Variants in FRMD5 observed in about 807,000 individuals in gnomAD.
FRMD5 encodes FERM domain containing 5.
FRMD5 carries 20 observed loss-of-function variants against 69.0 expected under a neutral mutation model. The ratio of observed to expected loss-of-function variants is 0.29; its 90% CI spans 0.20 to 0.42. FRMD5 has a LOEUF of 0.42. Ranked by LOEUF, FRMD5 falls within the 10% of genes least tolerant of loss-of-function variation. The pLI is 1.00. For synonymous variants in FRMD5, 271 were observed against 260.1 expected (o/e 1.04, Z -0.40); for missense variants, 595 against 708.6 (o/e 0.84, Z 1.82).
rs114824598 is a variant in FRMD5 at position 44,175,404 on chromosome 15, C to T, written c.102+19549G>A. On this transcript the variant is annotated intron_variant, in intron 1 of 13. Coordinates refer to ENST00000417257, the MANE Select transcript of FRMD5 (RefSeq NM_032892.5). The stretch of plus-strand genomic sequence containing the variant: ...CCATTAGAGAAATGTAAATTAAAAC[C>T]TCAATGAAATATCACTATATACCTA... Among the ~76,000 whole-genome samples, 1,343 of 152,162 alleles carry T rather than the reference C, an allele frequency of 8.8e-3. 22 individuals are homozygous for T. The highest frequency in any genetic ancestry group is 0.031 in the African/African-American group (1,289 of 41,492).
intron 1 of FRMD5, among the ~76,000 whole-genome samples, chr15:44,172,426 T>C (rs2077821971): frequency 6.6e-6 from 1 of 152,116 alleles, no homozygotes; most frequent in African/African-American, 2.4e-5. Context: ...CCCATTTTTA[T>C]TTCAGAAAAC....
At chr15:44,169,239 A>G (rs1031549699) in intron 1 of FRMD5, among the ~76,000 whole-genome samples, 7 of 152,180 alleles carry the variant, frequency 4.6e-5, no homozygotes, top group African/African-American at 1.7e-4. Context: ...CTCACCTTGC[A>G]TGTAATTCTT....
At chr15:43,875,804 G>GTTTTTTTTTTTTTTTTTTTTTTTTTTTA in intron 13 of FRMD5, 1 of 209,616 alleles carries the variant, frequency 4.8e-6, no homozygotes, top group Non-Finnish European at 8.4e-6. Flanking sequence ...CCTGGGCCTA[G>GTTTTTTTTTTTTTTTTTTTTTTTTTTTA]TTTTTTTTTT....
At chr15:43,989,278 G>A (rs1889551514) in intron 1 of FRMD5, 1 of 786,276 alleles carries the variant, frequency 1.3e-6, no homozygotes, top group African/African-American at 1.7e-5. Context: ...GTACCTGGTG[G>A]TGCCGCCAGA....
intron 1 of FRMD5, among the ~76,000 whole-genome samples, chr15:43,950,734 A>G (rs1048437946): frequency 6.6e-6 from 1 of 152,204 alleles, no homozygotes; most frequent in Non-Finnish European, 1.5e-5. Flanking sequence ...GGACATCCTT[A>G]CCAGCGACAG....
At chr15:43,987,869 T>C (rs1889472807) in intron 1 of FRMD5, among the ~76,000 whole-genome samples, 1 of 152,152 alleles carries the variant, frequency 6.6e-6, no homozygotes, top group Non-Finnish European at 1.5e-5. Context: ...CATTGTAATA[T>C]ATAATGAAAT....
chr15:43,875,390 A>ATATATATATATATATATATATATATATG (rs1385798025), intron 13 of FRMD5, among the ~76,000 whole-genome samples: 2 of 124,812 alleles, frequency 1.6e-5, no homozygotes, highest in Admixed American at 8.9e-5. Context: ...ATATATATAT[A>ATATATATATATATATATATATATATATG]TATGTATGTA....
intron 1 of FRMD5, among the ~76,000 whole-genome samples, chr15:44,043,979 T>C (rs935734871): frequency 1.1e-4 from 16 of 151,822 alleles, no homozygotes; most frequent in African/African-American, 2.9e-4. Context: ...ATCATCAGAG[T>C]GAACAGGCAA....
At chr15:43,887,474 CAGG>C (rs1194210277) in intron 10 of FRMD5, among the ~76,000 whole-genome samples, 2 of 152,226 alleles carry the variant, frequency 1.3e-5, no homozygotes, top group Admixed American at 6.5e-5. Context: ...CGAGTATATT[CAGG>C]AGAAGAAAGG....
chr15:44,168,707 T>C (rs2077750588), intron 1 of FRMD5, among the ~76,000 whole-genome samples: 1 of 152,256 alleles, frequency 6.6e-6, no homozygotes, highest in Non-Finnish European at 1.5e-5. Flanking sequence ...ATTTAGGGGC[T>C]AGGACAATTC....
chr15:44,111,402 C>T (rs2076793635), intron 1 of FRMD5, among the ~76,000 whole-genome samples: 1 of 152,134 alleles, frequency 6.6e-6, no homozygotes, highest in Non-Finnish European at 1.5e-5. Flanking sequence ...AAAAGTATTC[C>T]AGGGTGATAA....
chr15:44,018,676 T>C (rs1346507534), intron 1 of FRMD5, among the ~76,000 whole-genome samples: 1 of 152,198 alleles, frequency 6.6e-6, no homozygotes. Flanking sequence ...GAGAAAGCCC[T>C]GGCTTCCATG....
At chr15:43,967,230 CAT>C (rs34586661) in intron 1 of FRMD5, among the ~76,000 whole-genome samples, 25,118 of 147,040 alleles carry the variant, frequency 0.17, 4,594 homozygotes, top group African/African-American at 0.46. Flanking sequence ...AATATATAAA[CAT>C]ATATATATAT....
chr15:44,026,517 C>A (rs1891436092), intron 1 of FRMD5, among the ~76,000 whole-genome samples: 1 of 152,114 alleles, frequency 6.6e-6, no homozygotes, highest in Admixed American at 6.5e-5. Flanking sequence ...TACATTGTTG[C>A]TTTTCTTCAC....
intron 1 of FRMD5, among the ~76,000 whole-genome samples, chr15:44,156,514 TTTTTAGTAGC>T (rs2077530839): frequency 2.0e-5 from 3 of 152,200 alleles, no homozygotes; most frequent in Admixed American, 6.5e-5. Flanking sequence ...AGTTGAGGAT[TTTTTAGTAGC>T]TTTTAGTATT....
At chr15:44,184,031 C>T (rs1375428140) in intron 1 of FRMD5, among the ~76,000 whole-genome samples, 1 of 151,956 alleles carries the variant, frequency 6.6e-6, no homozygotes, top group African/African-American at 2.4e-5. Flanking sequence ...CCTGCTTCTC[C>T]AGATTCTCCC....
intron 1 of FRMD5, chr15:44,063,713 T>A (rs1893192494): frequency 3.0e-6 from 1 of 332,058 alleles, no homozygotes; most frequent in East Asian, 8.9e-5. Context: ...GGGAAACTTG[T>A]CATCAATGGA....
chr15:44,067,171 A>G (rs1369773194), intron 1 of FRMD5, among the ~76,000 whole-genome samples: 1 of 152,216 alleles, frequency 6.6e-6, no homozygotes, highest in African/African-American at 2.4e-5. Flanking sequence ...TGAAGAATTT[A>G]TGGCAAATAA....
intron 1 of FRMD5, among the ~76,000 whole-genome samples, chr15:44,045,914 T>C (rs1892408117): frequency 6.6e-6 from 1 of 152,202 alleles, no homozygotes; most frequent in East Asian, 1.9e-4. Flanking sequence ...TCTGTTGTCA[T>C]TTGTCACTCT....
Sources: allele counts gnomAD v4.1 joint callset (sites outside exome capture counted in the v4.1 genomes callset), GRCh38; gene constraint gnomAD v4.1.1; transcripts MANE v1.5; gene names NCBI Gene and HGNC (gene_info 2026-07-23, HGNC 2026-07-21).